Variants in TMEM132D observed in about 807,000 individuals in gnomAD.
TMEM132D encodes the protein mature OL transmembrane protein.
In TMEM132D, 21 loss-of-function variants were observed where a neutral mutation model predicts 62.3. The observed-to-expected ratio is 0.34, with a 90% confidence interval of 0.24 to 0.49. The LOEUF (loss-of-function observed/expected upper bound fraction) is 0.49. TMEM132D is among the 20% of genes least tolerant of loss of function. The pLI is 0.99. For missense variants in TMEM132D, 1,346 were observed against 1,402.8 expected, an observed-to-expected ratio of 0.96 and a Z score of 0.65; for synonymous variants, 621 against 575.6, an observed-to-expected ratio of 1.08 and a Z score of -1.13.
intron 4 of TMEM132D, among the ~76,000 whole-genome samples, chr12:129,297,873 C>A (rs1253751746): frequency 6.6e-6 from 1 of 152,134 alleles, no homozygotes; most frequent in African/African-American, 2.4e-5. Context: ...CTTAAGCAGC[C>A]AGTATCTTGA....
intron 1 of TMEM132D, among the ~76,000 whole-genome samples, chr12:129,769,552 A>G (rs181428070): frequency 6.2e-4 from 95 of 152,306 alleles, no homozygotes; most frequent in Non-Finnish European, 1.0e-3. Flanking sequence ...CTGACATGTC[A>G]GAAGGTCAGG....
intron 3 of TMEM132D, among the ~76,000 whole-genome samples, chr12:129,434,157 A>C (rs1269954439): frequency 6.6e-6 from 1 of 152,166 alleles, no homozygotes; most frequent in African/African-American, 2.4e-5. Flanking sequence ...AAAATGTTCT[A>C]CTTAGGTTGG....
At chr12:129,458,889 T>C (rs1322931551) in intron 3 of TMEM132D, among the ~76,000 whole-genome samples, 1 of 152,210 alleles carries the variant, frequency 6.6e-6, no homozygotes, top group African/African-American at 2.4e-5. Flanking sequence ...GAACCTTGGA[T>C]GTCAGAGCTG....
intron 1 of TMEM132D, among the ~76,000 whole-genome samples, chr12:129,893,276 G>A (rs186141409): frequency 1.3e-5 from 2 of 152,158 alleles, no homozygotes; most frequent in African/African-American, 4.8e-5. Context: ...GGATGGTGGT[G>A]AGGATTTCAT....
At chr12:129,595,864 T>G (rs1321213066) in intron 2 of TMEM132D, among the ~76,000 whole-genome samples, 2 of 152,216 alleles carry the variant, frequency 1.3e-5, no homozygotes, top group Non-Finnish European at 2.9e-5. Context: ...CCCAGTGCCA[T>G]ATGAGCTAGA....
chr12:129,435,538 G>A (rs1014318562), intron 3 of TMEM132D, among the ~76,000 whole-genome samples: 2 of 152,074 alleles, frequency 1.3e-5, no homozygotes, highest in African/African-American at 4.8e-5. Context: ...TTCTCATGGT[G>A]GTTTTGATTG....
intron 3 of TMEM132D, among the ~76,000 whole-genome samples, chr12:129,415,451 G>C (rs1448854965): frequency 6.6e-6 from 1 of 152,156 alleles, no homozygotes; most frequent in Admixed American, 6.6e-5. Flanking sequence ...AAGAAGTTCT[G>C]TTCCTACCAT....
intron 1 of TMEM132D, among the ~76,000 whole-genome samples, chr12:129,824,775 C>T (rs1340813997): frequency 6.6e-6 from 1 of 152,158 alleles, no homozygotes; most frequent in Non-Finnish European, 1.5e-5. Context: ...CCTGTTCCAC[C>T]ATCTGAGCTG....
At chr12:129,147,633 T>A (rs1357320292) in intron 5 of TMEM132D, among the ~76,000 whole-genome samples, 1 of 152,168 alleles carries the variant, frequency 6.6e-6, no homozygotes, top group Non-Finnish European at 1.5e-5. Context: ...GACAACGTAT[T>A]CGTGTTAGAC....
intron 5 of TMEM132D, among the ~76,000 whole-genome samples, chr12:129,088,164 C>T (rs1158134772): frequency 5.1e-5 from 2 of 39,312 alleles, no homozygotes; most frequent in African/African-American, 1.3e-4. Flanking sequence ...GGGTGTCCTC[C>T]CTGACCGGGT....
intron 4 of TMEM132D, among the ~76,000 whole-genome samples, chr12:129,319,627 T>C (rs1371162379): frequency 6.6e-6 from 1 of 152,232 alleles, no homozygotes; most frequent in Non-Finnish European, 1.5e-5. Context: ...GCAGAAAATC[T>C]GGACTGTTCA....
chr12:129,896,697 T>C (rs1327627509), intron 1 of TMEM132D, among the ~76,000 whole-genome samples: 1 of 152,236 alleles, frequency 6.6e-6, no homozygotes, highest in Non-Finnish European at 1.5e-5. Flanking sequence ...TTTCCAAATG[T>C]ACATCTGAAT....
At chr12:129,126,831 A>G (rs577026773) in intron 5 of TMEM132D, among the ~76,000 whole-genome samples, 2 of 152,314 alleles carry the variant, frequency 1.3e-5, no homozygotes, top group African/African-American at 2.4e-5. Context: ...GCATCAGGCA[A>G]TTACAAACAA....
Position 129,903,502 on chromosome 12 carries a change from T to C in TMEM132D, c.-163A>G, listed in dbSNP as rs1875441862. On this transcript the variant is annotated 5_prime_UTR_variant, in exon 1 of 9. An upstream start codon of the reference 5' UTR is lost. Transcript: ENST00000422113. This position sits in a 1 kb window ranked among gnomAD's most constrained non-coding sequence, Gnocchi z 6.2. ...CCTGCTCCCTCTTCCCGCCAGTCCA[T>C]GGCCAGGCCGGGAGGCGACGACCGC... 2.9e-6 allele frequency: 2 copies of C among 680,906 alleles called. No homozygotes were observed. The highest frequency in any genetic ancestry group is 2.5e-6 in the Non-Finnish European group (1 of 405,564). The allele number at this position is 680,906 out of a possible 1,614,324, so 42.2% of individuals were successfully genotyped here.
intron 3 of TMEM132D, among the ~76,000 whole-genome samples, chr12:129,510,992 G>A (rs960626867): frequency 2.6e-5 from 4 of 152,158 alleles, no homozygotes; most frequent in Admixed American, 2.0e-4. Flanking sequence ...GATTCCTCCA[G>A]TTTTGTTCTT....
At position 129,519,825 on chromosome 12, in the gene TMEM132D, T is replaced by A. The variant is rs530734840; in HGVS notation, c.1115+11234A>T. The stretch of plus-strand genomic sequence containing the variant: ...GGTTTTACCATGTTGGCCAGGCTGG[T>A]CCCCAACTCCTGACCTCAGGTGATC... On this transcript the variant is annotated intron_variant, in intron 3 of 8. Coordinates refer to ENST00000422113, the MANE Select transcript of TMEM132D (RefSeq NM_133448.3). 4.6e-5 allele frequency among the ~76,000 whole-genome samples: 7 copies of A among 152,062 alleles called. 1 individual carries two copies. In the South Asian group the frequency reaches 1.5e-3, roughly 32 times the overall value.
chr12:129,488,187 T>C (rs1874648723), intron 3 of TMEM132D, among the ~76,000 whole-genome samples: 1 of 152,128 alleles, frequency 6.6e-6, no homozygotes, highest in African/African-American at 2.4e-5. Context: ...TGCTGTTCTT[T>C]ATAAATAACA....
intron 4 of TMEM132D, among the ~76,000 whole-genome samples, chr12:129,317,101 G>A (rs1016799802): frequency 1.3e-5 from 2 of 152,078 alleles, no homozygotes; most frequent in Admixed American, 1.3e-4. Flanking sequence ...GTTTTTAGTG[G>A]AGCATTTAGG....
chr12:129,209,424 G>A (rs760586967), intron 5 of TMEM132D, 96 bp downstream of exon 5: 222 of 1,429,220 alleles, frequency 1.6e-4, no homozygotes, highest in Non-Finnish European at 2.0e-4. Context: ...GTGGGACCCA[G>A]AGGTCCCAGA....
Sources: gnomAD v4.1 joint callset for allele counts (sites outside exome capture counted in the v4.1 genomes callset) on GRCh38, gnomAD v4.1.1 for gene constraint, Gnocchi (gnomAD v3.1) non-coding constraint, MANE v1.5 for transcripts, NCBI Gene and HGNC (gene_info 2026-07-23, HGNC 2026-07-21) for gene names.